Variants in TENT5C observed in about 807,000 individuals in gnomAD.
TENT5C encodes the protein family with sequence similarity 46 member C.
In TENT5C, 5 loss-of-function variants were observed where a neutral mutation model predicts 22.2. That is an observed-to-expected ratio of 0.22 (90% CI 0.12 to 0.47). TENT5C has a LOEUF of 0.47. Among genes scored for constraint, TENT5C ranks in the 20% least tolerant of loss-of-function variants. The pLI is 0.99. For synonymous variants in TENT5C, 199 were observed against 195.4 expected, an observed-to-expected ratio of 1.02 and a Z score of -0.15; for missense variants, 364 against 500.9, an observed-to-expected ratio of 0.73 and a Z score of 2.61.
intron 1 of TENT5C, among the ~76,000 whole-genome samples, chr1:117,614,130 C>T (rs191777180): frequency 1.3e-5 from 2 of 152,210 alleles, no homozygotes; most frequent in East Asian, 3.9e-4. Context: ...GAATGTGGCC[C>T]CCTCCCTATG....
intron 1 of TENT5C, among the ~76,000 whole-genome samples, chr1:117,616,343 T>C (rs1478393546): frequency 6.6e-6 from 1 of 152,254 alleles, no homozygotes; most frequent in Non-Finnish European, 1.5e-5. Flanking sequence ...GTGGTTGTCA[T>C]TCACTCTTGT....
chr1:117,612,999 C>G (rs1452532954), intron 1 of TENT5C, among the ~76,000 whole-genome samples: 1 of 152,216 alleles, frequency 6.6e-6, no homozygotes, highest in African/African-American at 2.4e-5. Context: ...TACGTGTAAG[C>G]TGAGTCATTC....
At chr1:117,606,449 A>G (rs547217110) in intron 1 of TENT5C, among the ~76,000 whole-genome samples, 2 of 152,306 alleles carry the variant, frequency 1.3e-5, no homozygotes, top group African/African-American at 4.8e-5. Context: ...GGCAAACTCC[A>G]GCGAGTTCCT....
chr1:117,615,208 C>T (rs1653755760), intron 1 of TENT5C, among the ~76,000 whole-genome samples: 1 of 152,208 alleles, frequency 6.6e-6, no homozygotes, highest in South Asian at 2.1e-4. Flanking sequence ...TTTATACCTT[C>T]CTTCCTTTTC....
In TENT5C at chr1:117,624,877, T is replaced by C; in HGVS notation, c.*833T>C. The C allele has an allele frequency of 4.0e-6, 1 of 247,996 alleles. No homozygotes were observed. The highest frequency in any genetic ancestry group is 2.2e-5 in the African/African-American group (1 of 45,480). The allele number at this position is 247,996 out of a possible 1,614,324, so 15.4% of individuals were successfully genotyped here. A position where few individuals can be genotyped will look rare whatever the true frequency, so the allele number is the denominator to read the frequency against. Reference sequence around the variant, plus strand: ...CATTTTTTTCTTTAAAGAATTCTTATTAAATGGCTCCCTGCCTTTTTTTTC... The same window carrying C: ...CATTTTTTTCTTTAAAGAATTCTTACTAAATGGCTCCCTGCCTTTTTTTTC... On this transcript the variant is annotated 3_prime_UTR_variant, in exon 2 of 2. Coordinates refer to ENST00000369448, the MANE Select transcript of TENT5C (RefSeq NM_017709.4).
At chr1:117,620,878 A>G (rs530736834) in intron 1 of TENT5C, among the ~76,000 whole-genome samples, 28 of 152,330 alleles carry the variant, frequency 1.8e-4, no homozygotes, top group African/African-American at 6.7e-4. Flanking sequence ...TGTCTTCCAC[A>G]AAACTGGTTC....
In TENT5C at chr1:117,624,477, A is replaced by G. The variant is rs1042026157; in HGVS notation, c.*433A>G. 2 of 256,010 alleles carry G rather than the reference A, an allele frequency of 7.8e-6. No homozygotes were observed. The highest frequency in any genetic ancestry group is 4.4e-5 in the African/African-American group (2 of 45,608). The allele number at this position is 256,010 out of a possible 1,614,324, so 15.9% of individuals were successfully genotyped here. On this transcript the variant is annotated 3_prime_UTR_variant, in exon 2 of 2. Coordinates refer to ENST00000369448, the MANE Select transcript of TENT5C (RefSeq NM_017709.4). Reference sequence around the variant, plus strand: ...TTGGGATTCTCAGCAGTTACATGAAAGTTGTGCTGATAATCTCTTCTCTTG... The same window carrying G: ...TTGGGATTCTCAGCAGTTACATGAAGGTTGTGCTGATAATCTCTTCTCTTG...
At chr1:117,615,737 C>G (rs1301912060) in intron 1 of TENT5C, among the ~76,000 whole-genome samples, 1 of 152,182 alleles carries the variant, frequency 6.6e-6, no homozygotes, top group Non-Finnish European at 1.5e-5. Flanking sequence ...CACACTATGG[C>G]AATATATTGT....
intron 1 of TENT5C, among the ~76,000 whole-genome samples, chr1:117,617,322 T>C (rs1653808313): frequency 6.6e-6 from 1 of 152,138 alleles, no homozygotes; most frequent in South Asian, 2.1e-4. Context: ...TCAGGGACCT[T>C]GGTTTAACCT....
chr1:117,625,919 A>G lies in TENT5C; in HGVS notation c.*1875A>G. The stretch of plus-strand genomic sequence containing the variant: ...TCCCTGTGAGCCTTAGTTATATTTT[A>G]ATTCAGTGGCTTTGAGTCAAGGCCG... On this transcript the variant is annotated 3_prime_UTR_variant, in exon 2 of 2. Transcript: ENST00000369448. The G allele has an allele frequency of 4.0e-6, 1 of 247,814 alleles. No homozygotes were observed. The highest frequency in any genetic ancestry group is 8.5e-6 in the Non-Finnish European group (1 of 117,942). 15.4% of individuals were successfully genotyped at this position (247,814 alleles called of 1,614,324 possible).
rs1200402878 is a variant in TENT5C, at chr1:117,623,288, G to A, written c.420G>A (p.Gln140=). Residue 140 remains glutamine, a synonymous_variant, in exon 2 of 2, where the codon CAG becomes CAA. Transcript: ENST00000369448. ...TCACTCTGAAGGAGGCATATGTGCAGAAGCTAGTGAAGGTTTGCACGGACA... is the reference window on the plus strand; with the variant it reads ...TCACTCTGAAGGAGGCATATGTGCAAAAGCTAGTGAAGGTTTGCACGGACA... The part of the protein sequence containing the change: ...SPVTLKEAYV[Q]KLVKVCTDTD... The A allele has an allele frequency of 6.2e-7, 1 of 1,614,206 alleles. No homozygotes were observed. Among genetic ancestry groups the A allele is most frequent in the Non-Finnish European group, 8.5e-7 (1 of 1,180,036 alleles).
Position 117,606,173 on chromosome 1 carries a change from C to G in TENT5C, c.-28+20C>G, listed in dbSNP as rs979179658. 6.6e-6 allele frequency: 1 copy of G among 152,236 alleles called. No homozygotes were observed. Among genetic ancestry groups the G allele is most frequent in the Admixed American group, 6.5e-5 (1 of 15,286 alleles). The allele number at this position is 152,236 out of a possible 1,614,324, so 9.4% of individuals were successfully genotyped here. A position where few individuals can be genotyped will look rare whatever the true frequency, so the allele number is the denominator to read the frequency against. On this transcript the variant is annotated intron_variant, in intron 1 of 1. Transcript: ENST00000369448. ...GCCCAGGTGAGTCCGCGACCCCCCTCCTCTAAAGGTGCGGCGATGCGGCAG... is the reference window on the plus strand; with the variant it reads ...GCCCAGGTGAGTCCGCGACCCCCCTGCTCTAAAGGTGCGGCGATGCGGCAG...
In TENT5C at chr1:117,609,299, C is replaced by A. The variant is rs12061429; in HGVS notation, c.-28+3146C>A. Among the ~76,000 whole-genome samples, 735 of 152,268 alleles carry A rather than the reference C, an allele frequency of 4.8e-3. 3 individuals are homozygous for A. Among genetic ancestry groups the A allele is most frequent in the African/African-American group, 0.017 (692 of 41,538 alleles). ...TATATAGTTCAACTAGGTAAGGAAG[C>A]CTTAAGAATTGTTCAGAATTAATAG... On this transcript the variant is annotated intron_variant, in intron 1 of 1. Coordinates refer to ENST00000369448, the MANE Select transcript of TENT5C (RefSeq NM_017709.4).
chr1:117,623,516 C>T lies in TENT5C; in HGVS notation c.648C>T (p.Tyr216=), dbSNP rs374893043. ...CCACCGTGATTGGGGAGAGCATGTA[C>T]GGGGACTTTGAGGAAGCTTTTGACC... ...FHPTVIGESM[Y]GDFEEAFDHL... Residue 216 remains tyrosine (Y), a synonymous_variant, in exon 2 of 2, where the codon TAC becomes TAT. Transcript: ENST00000369448. The T allele has an allele frequency of 7.1e-5, 114 of 1,613,848 alleles. No homozygotes were observed. Among genetic ancestry groups the T allele is most frequent in the Non-Finnish European group, 8.8e-5 (104 of 1,180,004 alleles).
At chr1:117,610,591 G>A (rs981079145) in intron 1 of TENT5C, among the ~76,000 whole-genome samples, 3 of 152,192 alleles carry the variant, frequency 2.0e-5, no homozygotes, top group Non-Finnish European at 1.5e-5. Context: ...GCAGTAGCAC[G>A]ATCTCTGCTC....
At chr1:117,620,423 C>G (rs1653867957) in intron 1 of TENT5C, among the ~76,000 whole-genome samples, 1 of 152,192 alleles carries the variant, frequency 6.6e-6, no homozygotes, top group Non-Finnish European at 1.5e-5. Context: ...ACAGGTGATT[C>G]ACACTAGCAA....
rs1653972650 is a variant in TENT5C at position 117,624,668 on chromosome 1, A to AGTGGTTT, written c.*625_*631dup. On this transcript the variant is annotated 3_prime_UTR_variant, in exon 2 of 2. Transcript: ENST00000369448. Reference sequence around the variant, plus strand: ...GCTGGAGAATTGAGATCTGGTTGAAAGTGGTTTATGGTTTACATGCTGTAC... The same window carrying AGTGGTTT: ...GCTGGAGAATTGAGATCTGGTTGAAAGTGGTTTGTGGTTTATGGTTTACATGCTGTAC... The AGTGGTTT allele has an allele frequency of 4.0e-6, 1 of 248,206 alleles. No homozygotes were observed. Among genetic ancestry groups the AGTGGTTT allele is most frequent in the South Asian group, 1.8e-4 (1 of 5,538 alleles). 15.4% of individuals were successfully genotyped at this position (248,206 alleles called of 1,614,324 possible). A position where few individuals can be genotyped will look rare whatever the true frequency, so the allele number is the denominator to read the frequency against.
At chr1:117,610,886 G>A (rs766795228) in intron 1 of TENT5C, among the ~76,000 whole-genome samples, 2 of 152,044 alleles carry the variant, frequency 1.3e-5, no homozygotes, top group African/African-American at 2.4e-5. Context: ...TTTTATCTTT[G>A]ATTGAATAAG....
intron 1 of TENT5C, among the ~76,000 whole-genome samples, chr1:117,607,768 G>GT (rs1653573385): frequency 6.6e-6 from 1 of 152,196 alleles, no homozygotes; most frequent in Admixed American, 6.5e-5. Flanking sequence ...GACCAGCCAC[G>GT]TTAGGCCCTG....
Sources: gnomAD v4.1 joint callset for allele counts (sites outside exome capture counted in the v4.1 genomes callset) on GRCh38, gnomAD v4.1.1 for gene constraint, MANE v1.5 for transcripts, NCBI Gene and HGNC (gene_info 2026-07-23, HGNC 2026-07-21) for gene names.